Variants in ZDHHC2 observed in about 807,000 individuals in gnomAD.
ZDHHC2 encodes the protein zDHHC palmitoyltransferase 2.
A neutral mutation model predicts 55.6 loss-of-function variants in ZDHHC2; 51 were observed. That is an observed-to-expected ratio of 0.92 (90% CI 0.73 to 1.16). ZDHHC2 has a LOEUF of 1.16. ZDHHC2 is among the 50% of genes most tolerant of loss of function. ZDHHC2 has a pLI of 0.00. For synonymous variants in ZDHHC2, 199 were observed against 152.9 expected, an observed-to-expected ratio of 1.30 and a Z score of -2.22; for missense variants, 491 against 442.4, an observed-to-expected ratio of 1.11 and a Z score of -0.99.
chr8:17,210,527 C>A, intron 10 of ZDHHC2, 47 bp downstream of exon 10: 4 of 1,487,072 alleles, frequency 2.7e-6, no homozygotes, highest in Admixed American at 2.0e-5. Context: ...AGATATTTTA[C>A]CATATTGTGT....
rs372890019 is a variant in ZDHHC2, at chr8:17,184,831, T to G, written c.157+16T>G. On this transcript the variant is annotated intron_variant, in intron 2 of 12. Transcript: ENST00000262096. ...GGCGAACAAGGTAAGCTAGATTATA[T>G]TAATGTTATAGATTTTTTAAATAGT... is the stretch of plus-strand genomic sequence containing the variant. 607 of 1,534,534 alleles carry G rather than the reference T, an allele frequency of 4.0e-4. No homozygotes were observed. Among genetic ancestry groups the G allele is most frequent in the Non-Finnish European group, 3.6e-4 (415 of 1,139,896 alleles).
intron 8 of ZDHHC2, 97 bp from the exon 9 acceptor site, chr8:17,209,835 T>C (rs774124707): frequency 5.1e-6 from 7 of 1,383,282 alleles, no homozygotes; most frequent in Non-Finnish European, 6.7e-6. Context: ...CCATTGATTT[T>C]CAGAGTTTCT....
At chr8:17,189,820 A>T (rs189177677) in intron 3 of ZDHHC2, among the ~76,000 whole-genome samples, 149 of 152,334 alleles carry the variant, frequency 9.8e-4, no homozygotes, top group Non-Finnish European at 3.2e-4. Context: ...TTTTTCTACA[A>T]AAGACGTACC....
rs1295468544 is a variant in ZDHHC2, at chr8:17,199,541, T to TCTTCGC, written c.476+1132_476+1133insGCCTTC. Among the ~76,000 whole-genome samples, 176 of 38,978 alleles carry TCTTCGC rather than the reference T, an allele frequency of 4.5e-3. 8 individuals are homozygous for TCTTCGC. Among genetic ancestry groups the TCTTCGC allele is most frequent in the African/African-American group, 0.015 (168 of 10,852 alleles). 25.6% of individuals were successfully genotyped at this position (38,978 alleles called of 152,430 possible). A position where few individuals can be genotyped will look rare whatever the true frequency, so the allele number is the denominator to read the frequency against. ...TCTTCGTCTTCGTCTTCTGTCTTCG[T>TCTTCGC]CTTCTGTCTTCGTCTTCGTCTTCTT... On this transcript the variant is annotated intron_variant, in intron 6 of 12. Transcript: ENST00000262096.
intron 11 of ZDHHC2, among the ~76,000 whole-genome samples, chr8:17,216,336 A>C (rs1017249748): frequency 6.6e-6 from 1 of 152,228 alleles, no homozygotes; most frequent in African/African-American, 2.4e-5. Context: ...ATATATTATC[A>C]GTCATCTTCT....
At chr8:17,162,764 A>G (rs892279733) in intron 1 of ZDHHC2, 1 of 152,230 alleles carries the variant, frequency 6.6e-6, no homozygotes, top group Non-Finnish European at 1.5e-5. Context: ...TGCCATTTCC[A>G]CAGCAGAGTG....
chr8:17,210,082 G>A (rs1807302320), intron 9 of ZDHHC2, 24 bp downstream of exon 9: 3 of 1,572,412 alleles, frequency 1.9e-6, no homozygotes, highest in Non-Finnish European at 2.6e-6. Flanking sequence ...AAAATTTTCA[G>A]GCTTTAAACT....
At position 17,205,643 on chromosome 8, in the gene ZDHHC2, T is replaced by C; in HGVS notation, c.477-12T>C. The stretch of plus-strand genomic sequence containing the variant: ...GTAAAACTCACTGGAAATGTTTTTG[T>C]TTTGTTAACAGGGTGAACAATTGTG... On this transcript the variant is annotated splice_polypyrimidine_tract_variant and intron_variant, in intron 6 of 12. Coordinates refer to ENST00000262096, the MANE Select transcript of ZDHHC2 (RefSeq NM_016353.5). 6.3e-7 allele frequency: 1 copy of C among 1,586,686 alleles called. No homozygotes were observed. The highest frequency in any genetic ancestry group is 8.5e-7 in the Non-Finnish European group (1 of 1,171,408).
At chr8:17,167,756 G>A (rs1291384647) in intron 1 of ZDHHC2, among the ~76,000 whole-genome samples, 1 of 152,012 alleles carries the variant, frequency 6.6e-6, no homozygotes, top group Non-Finnish European at 1.5e-5. Flanking sequence ...AATAGAGTAA[G>A]TAATATCCTC....
chr8:17,172,028 G>T (rs140742887), intron 1 of ZDHHC2, among the ~76,000 whole-genome samples: 1 of 151,804 alleles, frequency 6.6e-6, no homozygotes, highest in South Asian at 2.1e-4. Context: ...CTACTGTGGC[G>T]AACTATATCC....
At position 17,224,575 on chromosome 8, in the gene ZDHHC2, G is replaced by A. The variant is rs1236843443; in HGVS notation, c.*4354G>A. On this transcript the variant is annotated 3_prime_UTR_variant, in exon 13 of 13. Coordinates refer to ENST00000262096, the MANE Select transcript of ZDHHC2 (RefSeq NM_016353.5). ...CTTAATATATTGCTTCTGTTTGATT[G>A]ATAAAGGTGCTTAATCAATTGAAAA... is the stretch of plus-strand genomic sequence containing the variant. 1 of 151,374 alleles carries A rather than the reference G, an allele frequency of 6.6e-6. No individual in the cohort carries two copies. Among genetic ancestry groups the A allele is most frequent in the African/African-American group, 2.4e-5 (1 of 41,262 alleles). 9.4% of individuals were successfully genotyped at this position (151,374 alleles called of 1,614,324 possible). A position where few individuals can be genotyped will look rare whatever the true frequency, so the allele number is the denominator to read the frequency against.
intron 3 of ZDHHC2, among the ~76,000 whole-genome samples, chr8:17,194,105 T>C (rs1170243382): frequency 6.6e-6 from 1 of 152,172 alleles, no homozygotes; most frequent in African/African-American, 2.4e-5. Context: ...ACTCATCCTT[T>C]TTTATGGCTT....
At chr8:17,181,806 T>A (rs1805447458) in intron 1 of ZDHHC2, among the ~76,000 whole-genome samples, 2 of 152,226 alleles carry the variant, frequency 1.3e-5, no homozygotes, top group Admixed American at 1.3e-4. Context: ...GTTTCAAAAA[T>A]GAGTCTCTAT....
chr8:17,214,758 A>G lies in ZDHHC2; in HGVS notation c.951-479A>G, dbSNP rs2150949292. 1.3e-5 allele frequency among the ~76,000 whole-genome samples: 2 copies of G among 152,138 alleles called. 1 individual carries two copies. The highest frequency in any genetic ancestry group is 6.8e-3 in the Middle Eastern group (2 of 294). ...TCCACTCTACAAAAAATAAAACAAAATAATTAGCTGAGGGTGGTGGTGTGG... is the reference window on the plus strand; with the variant it reads ...TCCACTCTACAAAAAATAAAACAAAGTAATTAGCTGAGGGTGGTGGTGTGG... On this transcript the variant is annotated intron_variant, in intron 10 of 12. Transcript: ENST00000262096.
intron 3 of ZDHHC2, among the ~76,000 whole-genome samples, chr8:17,187,944 T>C (rs1805801041): frequency 6.6e-6 from 1 of 152,246 alleles, no homozygotes; most frequent in Non-Finnish European, 1.5e-5. Context: ...CTGTTTCTTA[T>C]GTCAGTTAAT....
At chr8:17,177,786 G>A (rs1324132963) in intron 1 of ZDHHC2, among the ~76,000 whole-genome samples, 12 of 151,894 alleles carry the variant, frequency 7.9e-5, no homozygotes, top group African/African-American at 2.9e-4. Flanking sequence ...TTGTGTGTGT[G>A]GGGGTGGGGG....
At chr8:17,197,259 T>C (rs1463999300) in intron 4 of ZDHHC2, among the ~76,000 whole-genome samples, 1 of 152,174 alleles carries the variant, frequency 6.6e-6, no homozygotes, top group South Asian at 2.1e-4. Flanking sequence ...ATTGGTTTAA[T>C]TGAGGGAGAC....
rs1272177059 is a variant in ZDHHC2, at chr8:17,156,694, C to G, written c.-30C>G. The G allele has an allele frequency of 3.0e-6, 4 of 1,312,330 alleles. No homozygotes were observed. Among genetic ancestry groups the G allele is most frequent in the South Asian group, 4.0e-5 (2 of 49,544 alleles). The allele number at this position is 1,312,330 out of a possible 1,614,324, so 81.3% of individuals were successfully genotyped here. On this transcript the variant is annotated 5_prime_UTR_variant, in exon 1 of 13. Transcript: ENST00000262096. Reference sequence around the variant, plus strand: ...CCGGAGCCAGGCCCGCGGGCGGCGGCGGAGCTGGGCAGGTGGATGCGGCTG... The same window carrying G: ...CCGGAGCCAGGCCCGCGGGCGGCGGGGGAGCTGGGCAGGTGGATGCGGCTG...
At chr8:17,187,600 C>T (rs944671869) in intron 3 of ZDHHC2, among the ~76,000 whole-genome samples, 3 of 152,092 alleles carry the variant, frequency 2.0e-5, no homozygotes, top group African/African-American at 7.2e-5. Flanking sequence ...CTTCTATTCT[C>T]CACTTCTTTT....
Sources: gnomAD v4.1 joint callset for allele counts (sites outside exome capture counted in the v4.1 genomes callset) on GRCh38, gnomAD v4.1.1 for gene constraint, MANE v1.5 for transcripts, NCBI Gene and HGNC (gene_info 2026-07-23, HGNC 2026-07-21) for gene names.